Variants in CENPN observed in about 807,000 individuals in gnomAD.
CENPN encodes the protein centromere protein N.
In CENPN, 36 loss-of-function variants were observed where a neutral mutation model predicts 48.6. The ratio of observed to expected loss-of-function variants is 0.74; its 90% CI spans 0.57 to 0.98. The LOEUF (loss-of-function observed/expected upper bound fraction) is 0.98, where lower values mean the gene tolerates loss of function less well. Ranked by LOEUF, CENPN falls within the 50% of genes least tolerant of loss-of-function variation. The probability of loss-of-function intolerance (pLI) is 0.00; values close to 1 mark genes in which losing one functional copy is unlikely to be tolerated. For missense variants in CENPN, 439 were observed against 399.2 expected (o/e 1.10, Z -0.85); for synonymous variants, 166 against 135.2 (o/e 1.23, Z -1.58).
rs1396085370 is a variant in CENPN, at chr16:81,030,494, A to AT, written c.*1844dup. 5.3e-6 allele frequency: 4 copies of AT among 759,808 alleles called. No individual in the cohort carries two copies. The African/African-American group carries it at 7.6e-5, about 14-fold the overall frequency. 47.1% of individuals were successfully genotyped at this position (759,808 alleles called of 1,614,324 possible). A position where few individuals can be genotyped will look rare whatever the true frequency, so the allele number is the denominator to read the frequency against. ...CCGGGTGTAGTGGCTCACGCCTGTAATCCTAGCACTTTGGGAAGCCGAGGT... is the reference window on the plus strand; with the variant it reads ...CCGGGTGTAGTGGCTCACGCCTGTAATTCCTAGCACTTTGGGAAGCCGAGGT... On this transcript the variant is annotated 3_prime_UTR_variant, in exon 11 of 11. Coordinates refer to ENST00000305850, the MANE Select transcript of CENPN (RefSeq NM_001100624.3).
chr16:81,024,944 T>C (rs1437887967), intron 8 of CENPN, among the ~76,000 whole-genome samples, 166 bp downstream of exon 8: 2 of 152,252 alleles, frequency 1.3e-5, no homozygotes, highest in Non-Finnish European at 2.9e-5. Flanking sequence ...TAATCTACCA[T>C]AGTTCTCCTT....
At position 81,007,250 on chromosome 16, in the gene CENPN, G is replaced by T; in HGVS notation, c.-38G>T. 1 of 159,202 alleles carries T rather than the reference G, an allele frequency of 6.3e-6. No homozygotes were observed. Among genetic ancestry groups the T allele is most frequent in the Non-Finnish European group, 1.3e-5 (1 of 74,304 alleles). The allele number at this position is 159,202 out of a possible 1,614,324, so 9.9% of individuals were successfully genotyped here. ...CGCGGCGAGCGGGAACAGCTCTTGA[G>T]GAGTGAGACTGCAGGAGATGTGGGC... is the stretch of plus-strand genomic sequence containing the variant. On this transcript the variant is annotated 5_prime_UTR_variant, in exon 1 of 11. In the 5' UTR this introduces an upstream ATG that the reference lacks. Coordinates refer to ENST00000305850, the MANE Select transcript of CENPN (RefSeq NM_001100624.3).
intron 8 of CENPN, 74 bp from the exon 9 acceptor site, chr16:81,026,452 G>A (rs1437111630): frequency 1.5e-6 from 1 of 655,058 alleles, no homozygotes; most frequent in Non-Finnish European, 2.7e-6. Context: ...CGAAGGGTTA[G>A]GAATGAAAGG....
At chr16:81,008,483 T>G (rs1969581389) in intron 1 of CENPN, among the ~76,000 whole-genome samples, 1 of 152,098 alleles carries the variant, frequency 6.6e-6, no homozygotes, top group African/African-American at 2.4e-5. Context: ...GCTGTTCTCT[T>G]GCCTCAGCCT....
In CENPN at chr16:81,020,479, C is replaced by T. The variant is rs868084167; in HGVS notation, c.531+203C>T. 165 of 432,614 alleles carry T rather than the reference C, an allele frequency of 3.8e-4. 1 individual carries two copies. Among genetic ancestry groups the T allele is most frequent in the Middle Eastern group, 1.2e-3 (2 of 1,630 alleles). The allele number at this position is 432,614 out of a possible 1,614,324, so 26.8% of individuals were successfully genotyped here. ...CCAAGGCTGCCGTGAGCTGCGATCA[C>T]AAGACAAAGCAACACCCCACCTCTA... On this transcript the variant is annotated intron_variant, in intron 6 of 10. Transcript: ENST00000305850.
At position 81,026,644 on chromosome 16, in the gene CENPN, A is replaced by C; in HGVS notation, c.810+6A>C. 7.2e-7 allele frequency: 1 copy of C among 1,394,316 alleles called. No individual in the cohort carries two copies. Among genetic ancestry groups the C allele is most frequent in the Non-Finnish European group, 1.0e-6 (1 of 991,744 alleles). The allele number at this position is 1,394,316 out of a possible 1,614,324, so 86.4% of individuals were successfully genotyped here. A position where few individuals can be genotyped will look rare whatever the true frequency, so the allele number is the denominator to read the frequency against. On this transcript the variant is annotated splice_donor_region_variant and intron_variant, in intron 9 of 10. Transcript: ENST00000305850. ...TAGAATTTGCACAATATAAGGTAAG[A>C]TGTCGTAATAAATATTAAGTACAAG...
chr16:81,026,145 ATATATATATGTG>A (rs1195283649), intron 8 of CENPN, among the ~76,000 whole-genome samples: 1,600 of 141,964 alleles, frequency 0.011, 32 homozygotes, highest in African/African-American at 0.041. Context: ...ATATATATGT[ATATATATATGTG>A]TATATATATG....
At chr16:81,007,357 G>C (rs114770898) in intron 1 of CENPN, 80 bp downstream of exon 1, 1 of 152,306 alleles carries the variant, frequency 6.6e-6, no homozygotes, top group African/African-American at 2.4e-5. Flanking sequence ...GGCCTCGGGG[G>C]TGGCTTTTTC....
chr16:81,017,608 A>G (rs1468238529), intron 4 of CENPN, 150 bp from the exon 5 acceptor site: 1 of 690,038 alleles, frequency 1.4e-6, no homozygotes, highest in Non-Finnish European at 2.5e-6. Flanking sequence ...TCTTGGTGCC[A>G]TGTCAGAAGT....
At position 81,030,264 on chromosome 16, in the gene CENPN, ATTC is replaced by A. The variant is rs1241805883; in HGVS notation, c.*1616_*1618del. ...GTCTTTTTTAAACATTTTAAAATCT[ATTC>A]TTTATCTTGTTTCAGAGAGGATTTG... is the stretch of plus-strand genomic sequence containing the variant. On this transcript the variant is annotated 3_prime_UTR_variant, in exon 11 of 11. Transcript: ENST00000305850. 2 of 985,334 alleles carry A rather than the reference ATTC, an allele frequency of 2.0e-6. No individual in the cohort carries two copies. The allele number at this position is 985,334 out of a possible 1,614,324, so 61.0% of individuals were successfully genotyped here. A position where few individuals can be genotyped will look rare whatever the true frequency, so the allele number is the denominator to read the frequency against.
intron 10 of CENPN, 124 bp downstream of exon 10, chr16:81,028,421 TCTTGC>T: frequency 6.8e-7 from 1 of 1,472,568 alleles, no homozygotes; most frequent in Non-Finnish European, 9.3e-7. Flanking sequence ...TCCTGCTCTC[TCTTGC>T]ATCTTCTGCT....
chr16:81,024,757 A>G lies in CENPN; in HGVS notation c.676A>G (p.Ser226Gly), dbSNP rs768471496. ...CTCTACGACACCTCTACAGGAAAGA[A>G]GCCTTGGACTAGATATAAATAGTAC... is the stretch of plus-strand genomic sequence containing the variant. ...HNSTTPLQER[S>G]LGLDINMDSR... Residue 226 changes from serine (S) to glycine (G), a missense_variant, in exon 8 of 11, where the codon AGC (serine) becomes GGC (glycine). Transcript: ENST00000305850. 1.4e-5 allele frequency: 23 copies of G among 1,610,236 alleles called. 1 individual carries two copies. Among genetic ancestry groups the G allele is most frequent in the African/African-American group, 2.7e-5 (2 of 74,946 alleles).
At chr16:81,023,863 A>G (rs1195701240) in intron 7 of CENPN, 5 of 152,140 alleles carry the variant, frequency 3.3e-5, no homozygotes, top group Non-Finnish European at 5.9e-5. Flanking sequence ...GGCGGATCAC[A>G]AAGTCAGGAG....
downstream of CENPN, among the ~76,000 whole-genome samples, chr16:81,032,048 G>T (rs1157705535): frequency 6.6e-6 from 1 of 152,118 alleles, no homozygotes; most frequent in African/African-American, 2.4e-5. Context: ...AAATGGAAAG[G>T]CCTGAGAAAT....
chr16:81,030,546 C>G lies in CENPN; in HGVS notation c.*1895C>G, dbSNP rs540223645. ...GGCAGATCACCCGAGGTCAGGAGTT[C>G]GAGACCAGCCTAGCCAACATGGCAA... On this transcript the variant is annotated 3_prime_UTR_variant, in exon 11 of 11. Coordinates refer to ENST00000305850, the MANE Select transcript of CENPN (RefSeq NM_001100624.3). 1 of 266,012 alleles carries G rather than the reference C, an allele frequency of 3.8e-6. No homozygotes were observed. The highest frequency in any genetic ancestry group is 5.8e-6 in the Non-Finnish European group (1 of 172,622). 16.5% of individuals were successfully genotyped at this position (266,012 alleles called of 1,614,324 possible).
intron 3 of CENPN, among the ~76,000 whole-genome samples, chr16:81,016,058 C>G (rs929794064): frequency 2.0e-5 from 3 of 151,612 alleles, no homozygotes; most frequent in African/African-American, 4.8e-5. Flanking sequence ...GAGGCACAGA[C>G]AGAGGTCAGT....
chr16:81,021,759 CTT>C (rs374473140), intron 6 of CENPN, among the ~76,000 whole-genome samples: 7 of 143,986 alleles, frequency 4.9e-5, no homozygotes, highest in Non-Finnish European at 6.1e-5. Flanking sequence ...GGCTAATGTT[CTT>C]TTTTTTTTTT....
chr16:81,017,229 G>A lies in CENPN; in HGVS notation c.218-97G>A, dbSNP rs919245951. ...TGTATAACTCAATTTGTGAATTACT[G>A]TTACTTTCCCCAGTTTTAAAGTATA... On this transcript the variant is annotated intron_variant, in intron 3 of 10. Coordinates refer to ENST00000305850, the MANE Select transcript of CENPN (RefSeq NM_001100624.3). The A allele has an allele frequency of 5.0e-6, 4 of 802,146 alleles. No homozygotes were observed. In the African/African-American group the frequency reaches 7.0e-5, roughly 14 times the overall value. 49.7% of individuals were successfully genotyped at this position (802,146 alleles called of 1,614,324 possible).
chr16:81,027,907 G>A (rs890735835), intron 9 of CENPN, among the ~76,000 whole-genome samples: 47 of 152,254 alleles, frequency 3.1e-4, no homozygotes, highest in Middle Eastern at 3.4e-3. Context: ...GTTTCACCAT[G>A]TTGGCCAGGC....
Sources: gnomAD v4.1 joint callset for allele counts (sites outside exome capture counted in the v4.1 genomes callset) on GRCh38, gnomAD v4.1.1 for gene constraint, MANE v1.5 for transcripts, NCBI Gene and HGNC (gene_info 2026-07-23, HGNC 2026-07-21) for gene names.